The following CLTCL1 variants were observed in gnomAD, a reference collection of about 807,000 sequenced individuals.
CLTCL1 encodes the protein clathrin heavy chain 2.
A neutral mutation model predicts 190.0 loss-of-function variants in CLTCL1; 159 were observed. The observed-to-expected ratio is 0.84, with a 90% CI of 0.74 to 0.95. CLTCL1 has a LOEUF of 0.95. CLTCL1 is among the 40% of genes least tolerant of loss of function. The pLI, the probability that CLTCL1 is intolerant of heterozygous loss-of-function variation, is 0.00. For missense variants in CLTCL1, 1,878 were observed against 2,033.4 expected (o/e 0.92, Z 1.47); for synonymous variants, 752 against 769.6 (o/e 0.98, Z 0.38).
At chr22:19,283,179 GT>G (rs1237030209) in intron 1 of CLTCL1, among the ~76,000 whole-genome samples, 6 of 145,374 alleles carry the variant, frequency 4.1e-5, no homozygotes, top group South Asian at 2.2e-4. Flanking sequence ...GCCCAGGTTT[GT>G]TTTTTTTTTC....
At chr22:19,196,776 T>C (rs1569157836) in intron 24 of CLTCL1, 120 bp from the exon 25 acceptor site, 3 of 1,162,564 alleles carry the variant, frequency 2.6e-6, no homozygotes, top group South Asian at 1.5e-5. Flanking sequence ...CGAGGAGGCA[T>C]GTGTGAAGAA....
intron 27 of CLTCL1, among the ~76,000 whole-genome samples, chr22:19,189,014 C>T (rs1217359833): frequency 2.0e-5 from 3 of 152,130 alleles, no homozygotes; most frequent in Admixed American, 6.6e-5. Flanking sequence ...AGCGATTCTC[C>T]TGCCTCAGCC....
intron 6 of CLTCL1, 53 bp downstream of exon 6, chr22:19,235,643 G>A (rs762284527): frequency 2.6e-6 from 4 of 1,542,722 alleles, no homozygotes; most frequent in Non-Finnish European, 2.6e-6. Flanking sequence ...AAGTTTAAAC[G>A]CCAGTCCCTA....
intron 19 of CLTCL1, among the ~76,000 whole-genome samples, chr22:19,212,024 C>T (rs2085243993): frequency 2.0e-5 from 3 of 152,016 alleles, no homozygotes; most frequent in Admixed American, 1.3e-4. Flanking sequence ...ATAAAATCTA[C>T]ATATGACCTA....
chr22:19,181,094 T>TG (rs1311055014), intron 30 of CLTCL1: 2 of 484,480 alleles, frequency 4.1e-6, no homozygotes, highest in Non-Finnish European at 7.5e-6. Context: ...GCTGTGCATG[T>TG]GGCCTGCTTA....
intron 19 of CLTCL1, among the ~76,000 whole-genome samples, chr22:19,212,586 A>G (rs2085262584): frequency 8.0e-6 from 1 of 125,202 alleles, no homozygotes; most frequent in Non-Finnish European, 1.7e-5. Context: ...AGAAAGAAAG[A>G]GAAAGAAAGA....
chr22:19,188,013 T>C lies in CLTCL1; in HGVS notation c.4402A>G (p.Asn1468Asp). 1 of 1,614,052 alleles carries C rather than the reference T, an allele frequency of 6.2e-7. No homozygotes were observed. The highest frequency in any genetic ancestry group is 8.5e-7 in the Non-Finnish European group (1 of 1,179,898). ...TCCTCCTCCTCTGTCAGCAGGTGGT[T>C]GAGTGCCTCATTCACACTCTTGTTG... ...HNNKSVNEAL[N>D]HLLTEEEDYQ... The change falls in exon 28 of 33, where the codon AAC (asparagine) becomes GAC (aspartate). Residue 1468 changes from asparagine to aspartate, a missense_variant. Physicochemically the swap from Asn to Asp is conservative, Grantham distance 23 (BLOSUM62 1). Coordinates refer to ENST00000427926, the MANE Select transcript of CLTCL1 (RefSeq NM_007098.4).
chr22:19,219,807 G>T (rs1601557557), intron 18 of CLTCL1, 78 bp downstream of exon 18: 3 of 1,593,010 alleles, frequency 1.9e-6, no homozygotes, highest in East Asian at 4.5e-5. Flanking sequence ...AATTAAAAAT[G>T]AAACCAGTCA....
At chr22:19,255,143 G>C (rs2086706314) in intron 2 of CLTCL1, among the ~76,000 whole-genome samples, 2 of 152,208 alleles carry the variant, frequency 1.3e-5, no homozygotes, top group Admixed American at 1.3e-4. Flanking sequence ...AAGTAAAGCT[G>C]TCTTAACTCA....
At chr22:19,223,650 T>C (rs1569191520) in intron 14 of CLTCL1, among the ~76,000 whole-genome samples, 1 of 152,190 alleles carries the variant, frequency 6.6e-6, no homozygotes, top group Non-Finnish European at 1.5e-5. Flanking sequence ...TGTTGATGAA[T>C]TACAATGCAG....
intron 29 of CLTCL1, chr22:19,184,461 C>T (rs562719776): frequency 1.2e-4 from 53 of 455,896 alleles, no homozygotes; most frequent in African/African-American, 8.8e-4. Flanking sequence ...ACCCGATGTG[C>T]TGAGCTGGCT....
chr22:19,243,165 C>T (rs1437005035), intron 3 of CLTCL1, among the ~76,000 whole-genome samples: 3 of 152,016 alleles, frequency 2.0e-5, no homozygotes, highest in Admixed American at 6.6e-5. Flanking sequence ...GATGGACAAA[C>T]CTAATTTGTT....
chr22:19,281,645 G>T (rs2087719683), intron 1 of CLTCL1, among the ~76,000 whole-genome samples: 2 of 152,164 alleles, frequency 1.3e-5, no homozygotes, highest in African/African-American at 4.8e-5. Context: ...TAGCAGGATA[G>T]GACTGGATGC....
chr22:19,193,948 T>C (rs906338352), intron 26 of CLTCL1, among the ~76,000 whole-genome samples: 1 of 152,166 alleles, frequency 6.6e-6, no homozygotes, highest in Non-Finnish European at 1.5e-5. Flanking sequence ...TCCCACAACA[T>C]GGAAAAAGAC....
chr22:19,192,998 G>A (rs2084564774), intron 26 of CLTCL1, among the ~76,000 whole-genome samples: 1 of 152,224 alleles, frequency 6.6e-6, no homozygotes, highest in African/African-American at 2.4e-5. Flanking sequence ...AGGATGTGAT[G>A]TGGGGCTGAA....
At chr22:19,253,225 C>T (rs1261463729) in intron 3 of CLTCL1, among the ~76,000 whole-genome samples, 1 of 152,086 alleles carries the variant, frequency 6.6e-6, no homozygotes, top group Non-Finnish European at 1.5e-5. Flanking sequence ...GACTTTGATA[C>T]AATACCTACA....
At chr22:19,258,003 C>T (rs2086820728) in intron 2 of CLTCL1, 2 of 565,712 alleles carry the variant, frequency 3.5e-6, no homozygotes, top group Admixed American at 4.1e-5. Context: ...CATCTTGCTG[C>T]TGCTGACTTT....
rs1203907033 is a variant in CLTCL1, at chr22:19,201,319, C to T, written c.3765+10G>A. The T allele has an allele frequency of 8.1e-6, 13 of 1,603,956 alleles. No homozygotes were observed. The highest frequency in any genetic ancestry group is 4.0e-5 in the African/African-American group (3 of 74,716). On this transcript the variant is annotated intron_variant, in intron 23 of 32. Coordinates refer to ENST00000427926, the MANE Select transcript of CLTCL1 (RefSeq NM_007098.4). ...GCACACTCTGCCGTCTGCAGTTGCC[C>T]GCAGCTCACCTCCTTCCACGTCCGG...
In CLTCL1 at chr22:19,214,980, A is replaced by G. The variant is rs73877052; in HGVS notation, c.3065+1131T>C. ...CCAAGGCTATTTTTACCTACGCATAAAACTGTCTGGTGAAATCATCAATGA... is the reference window on the plus strand; with the variant it reads ...CCAAGGCTATTTTTACCTACGCATAGAACTGTCTGGTGAAATCATCAATGA... On this transcript the variant is annotated intron_variant, in intron 19 of 32. Coordinates refer to ENST00000427926, the MANE Select transcript of CLTCL1 (RefSeq NM_007098.4). Among the ~76,000 whole-genome samples, 801 of 152,296 alleles carry G rather than the reference A, an allele frequency of 5.3e-3. 6 individuals are homozygous for G. The highest frequency in any genetic ancestry group is 0.018 in the African/African-American group (737 of 41,556).
Sources: allele counts gnomAD v4.1 joint callset (sites outside exome capture counted in the v4.1 genomes callset), GRCh38; gene constraint gnomAD v4.1.1; transcripts MANE v1.5; gene names NCBI Gene and HGNC (gene_info 2026-07-23, HGNC 2026-07-21).